RASGEF1C: variants seen among roughly 807,000 people sequenced by gnomAD.
RASGEF1C encodes RasGEF domain family member 1C.
Under a neutral mutation model 58.1 loss-of-function variants are expected in RASGEF1C, and 27 were observed. That is an observed-to-expected ratio of 0.46 (90% CI 0.34 to 0.64). The LOEUF (loss-of-function observed/expected upper bound fraction) is 0.64. Ranked by LOEUF, RASGEF1C falls within the 30% of genes least tolerant of loss-of-function variation. The probability of loss-of-function intolerance (pLI) is 0.01; values close to 1 mark genes in which losing one functional copy is unlikely to be tolerated. For missense variants in RASGEF1C, 502 were observed against 605.1 expected (o/e 0.83, Z 1.79); for synonymous variants, 243 against 246.3 (o/e 0.99, Z 0.13).
At chr5:180,161,713 T>A (rs1486232109) in intron 1 of RASGEF1C, among the ~76,000 whole-genome samples, 1 of 152,232 alleles carries the variant, frequency 6.6e-6, no homozygotes, top group Non-Finnish European at 1.5e-5. Flanking sequence ...TTCGCGCCCA[T>A]CTCTGCCGGG....
chr5:180,160,573 G>C (rs966277354), intron 1 of RASGEF1C, among the ~76,000 whole-genome samples: 3 of 152,112 alleles, frequency 2.0e-5, no homozygotes, highest in Non-Finnish European at 4.4e-5. Flanking sequence ...CTACCACACT[G>C]TCAGCTTTGC....
chr5:180,107,120 TTTC>T (rs745631302), intron 12 of RASGEF1C, among the ~76,000 whole-genome samples: 8 of 152,190 alleles, frequency 5.3e-5, no homozygotes, highest in Admixed American at 2.0e-4. Context: ...TGCTATATCT[TTTC>T]TTCTTTTTTT....
chr5:180,143,294 G>T lies in RASGEF1C; in HGVS notation c.-6-5236C>A, dbSNP rs1766611566. 6.6e-6 allele frequency among the ~76,000 whole-genome samples: 1 copy of T among 152,188 alleles called. No individual in the cohort carries two copies. Among genetic ancestry groups the T allele is most frequent in the African/African-American group, 2.4e-5 (1 of 41,456 alleles). On this transcript the variant is annotated intron_variant, in intron 1 of 13. Coordinates refer to ENST00000361132, the MANE Select transcript of RASGEF1C (RefSeq NM_175062.4). The surrounding 1 kb of genome is among the most constrained non-coding windows in gnomAD (Gnocchi z 4.3). ...CACCCTGCTCCAGGCCGCTGGCGCTGGCAAAGTTTCTGGGACAGCATGGCC... is the reference window on the plus strand; with the variant it reads ...CACCCTGCTCCAGGCCGCTGGCGCTTGCAAAGTTTCTGGGACAGCATGGCC...
intron 1 of RASGEF1C, among the ~76,000 whole-genome samples, chr5:180,174,625 T>C (rs111361999): frequency 9.6e-6 from 1 of 103,894 alleles, no homozygotes; most frequent in East Asian, 2.5e-4. Flanking sequence ...TGTCTGTGTG[T>C]GTGTGTGTGT....
chr5:180,189,191 A>T (rs1367541794), intron 1 of RASGEF1C, among the ~76,000 whole-genome samples: 1 of 152,246 alleles, frequency 6.6e-6, no homozygotes, highest in Non-Finnish European at 1.5e-5. Flanking sequence ...CACTATTTAC[A>T]CTACATAAAA....
intron 1 of RASGEF1C, among the ~76,000 whole-genome samples, chr5:180,161,884 C>T (rs1446713305): frequency 6.6e-6 from 1 of 152,242 alleles, no homozygotes; most frequent in Non-Finnish European, 1.5e-5. Context: ...TGAGGTTCTC[C>T]TGTCTCTTCT....
chr5:180,161,714 C>G (rs1028607240), intron 1 of RASGEF1C, among the ~76,000 whole-genome samples: 4 of 152,270 alleles, frequency 2.6e-5, no homozygotes, highest in Non-Finnish European at 5.9e-5. Flanking sequence ...TCGCGCCCAT[C>G]TCTGCCGGGA....
intron 1 of RASGEF1C, among the ~76,000 whole-genome samples, chr5:180,150,875 A>G (rs1287106876): frequency 6.6e-6 from 1 of 151,954 alleles, no homozygotes; most frequent in Non-Finnish European, 1.5e-5. Context: ...AAGTCTCAGG[A>G]TACAAAATCA....
At chr5:180,175,725 C>T (rs538613100) in intron 1 of RASGEF1C, among the ~76,000 whole-genome samples, 122 of 152,340 alleles carry the variant, frequency 8.0e-4, no homozygotes, top group African/African-American at 2.8e-3. Flanking sequence ...AAGGGCCGGG[C>T]GCGGTGGCTC....
In RASGEF1C at chr5:180,197,136, G is replaced by A. The variant is rs768726178; in HGVS notation, c.-7+11892C>T. 1.3e-5 allele frequency among the ~76,000 whole-genome samples: 2 copies of A among 152,194 alleles called. No individual in the cohort carries two copies. Among genetic ancestry groups the A allele is most frequent in the Non-Finnish European group, 2.9e-5 (2 of 68,034 alleles). ...AGCCTCCTTGGTCCCTCTGCAGCACGATCCCCTTCCTGGAGAGTCCCATCT... is the reference window on the plus strand; with the variant it reads ...AGCCTCCTTGGTCCCTCTGCAGCACAATCCCCTTCCTGGAGAGTCCCATCT... On this transcript the variant is annotated intron_variant, in intron 1 of 13. Transcript: ENST00000361132. The surrounding 1 kb of genome is among the most constrained non-coding windows in gnomAD (Gnocchi z 4.7).
In RASGEF1C at chr5:180,159,891, C is replaced by T. The variant is rs141664819; in HGVS notation, c.-6-21833G>A. Reference sequence around the variant, plus strand: ...CTCTCTTGCCAGCGGGACTGGAGGCCGAGCAGATGAATGTGAGCTGCCGTG... The same window carrying T: ...CTCTCTTGCCAGCGGGACTGGAGGCTGAGCAGATGAATGTGAGCTGCCGTG... On this transcript the variant is annotated intron_variant, in intron 1 of 13. Transcript: ENST00000361132. 9.3e-3 allele frequency among the ~76,000 whole-genome samples: 1,424 copies of T among 152,328 alleles called. 17 individuals are homozygous for T. Among genetic ancestry groups the T allele is most frequent in the African/African-American group, 0.032 (1,345 of 41,580 alleles).
intron 1 of RASGEF1C, among the ~76,000 whole-genome samples, chr5:180,175,853 T>C (rs62406139): frequency 0.16 from 25,013 of 152,014 alleles, 2,652 homozygotes; most frequent in Non-Finnish European, 0.23. Context: ...CCGGGCGCAG[T>C]GGCGGGCGCC....
At chr5:180,185,005 A>G (rs958668693) in intron 1 of RASGEF1C, among the ~76,000 whole-genome samples, 8 of 152,212 alleles carry the variant, frequency 5.3e-5, no homozygotes, top group African/African-American at 1.9e-4. Context: ...GAAAATCATG[A>G]AGGAGGGCCA....
At chr5:180,139,284 C>T (rs1199353520) in intron 1 of RASGEF1C, among the ~76,000 whole-genome samples, 1 of 152,246 alleles carries the variant, frequency 6.6e-6, no homozygotes, top group Admixed American at 6.5e-5. Context: ...CCCCTACATT[C>T]TTGATCGTGG....
intron 1 of RASGEF1C, among the ~76,000 whole-genome samples, chr5:180,184,188 AAT>A (rs1183973957): frequency 6.6e-6 from 1 of 151,224 alleles, no homozygotes; most frequent in Non-Finnish European, 1.5e-5. Context: ...AAAATAAATA[AAT>A]AAATAAATAA....
rs569240790 is a variant in RASGEF1C, at chr5:180,182,078, G to A, written c.-7+26950C>T. On this transcript the variant is annotated intron_variant, in intron 1 of 13. Transcript: ENST00000361132. ...AAATTAGCCGGGCATGGTGGCGGGC[G>A]CCTGTAGTCCCAGCTACACGGGAGG... Among the ~76,000 whole-genome samples, 292 of 151,542 alleles carry A rather than the reference G, an allele frequency of 1.9e-3. 2 individuals are homozygous for A. The highest frequency in any genetic ancestry group is 1.4e-3 in the Non-Finnish European group (92 of 67,878).
chr5:180,195,166 C>T (rs1163017547), intron 1 of RASGEF1C, among the ~76,000 whole-genome samples: 2 of 152,044 alleles, frequency 1.3e-5, no homozygotes, highest in Non-Finnish European at 2.9e-5. Flanking sequence ...TCCTGTTTGA[C>T]CTTGGGGAGC....
intron 1 of RASGEF1C, among the ~76,000 whole-genome samples, chr5:180,174,483 TGTGTGCGC>T (rs1767179260): frequency 7.1e-5 from 4 of 56,620 alleles, no homozygotes; most frequent in Non-Finnish European, 1.7e-4. Flanking sequence ...TGTGTGTCTG[TGTGTGCGC>T]GTGTGTGTCT....
intron 1 of RASGEF1C, among the ~76,000 whole-genome samples, chr5:180,207,147 T>C (rs1200103379): frequency 6.6e-6 from 1 of 152,238 alleles, no homozygotes; most frequent in Admixed American, 6.5e-5. Flanking sequence ...GCACTCTGCC[T>C]GCACACCCGT....
Sources: allele counts gnomAD v4.1 joint callset (sites outside exome capture counted in the v4.1 genomes callset), GRCh38; gene constraint gnomAD v4.1.1; non-coding constraint Gnocchi (gnomAD v3.1); transcripts MANE v1.5; gene names NCBI Gene and HGNC (gene_info 2026-07-23, HGNC 2026-07-21).